IGSF22: variants seen among roughly 807,000 people sequenced by gnomAD.
IGSF22 encodes the protein immunoglobulin superfamily, member 22.
A neutral mutation model predicts 127.0 loss-of-function variants in IGSF22; 119 were observed. The ratio of observed to expected loss-of-function variants is 0.94; its 90% CI spans 0.81 to 1.09. The LOEUF is 1.09. IGSF22 is among the 50% of genes least tolerant of loss of function. IGSF22 has a pLI of 0.00. For missense variants in IGSF22, 1,518 were observed against 1,716.6 expected, an observed-to-expected ratio of 0.88 and a Z score of 2.04; for synonymous variants, 568 against 664.7, an observed-to-expected ratio of 0.85 and a Z score of 2.24.
intron 11 of IGSF22, 38 bp downstream of exon 11, chr11:18,715,394 G>C: frequency 3.8e-6 from 6 of 1,577,744 alleles, no homozygotes; most frequent in African/African-American, 1.3e-5. Context: ...CCAGGGTCAG[G>C]GGGATTGGTC....
In IGSF22 at chr11:18,714,432, G is replaced by T; in HGVS notation, c.1657-14C>A. On this transcript the variant is annotated splice_polypyrimidine_tract_variant and intron_variant, in intron 12 of 22. Transcript: ENST00000513874. Reference sequence around the variant, plus strand: ...CAAGTCCGTGATCTGGGGGTCAGGGGTGGGCCTGAGTGTGAGCATAGGCCA... The same window carrying T: ...CAAGTCCGTGATCTGGGGGTCAGGGTTGGGCCTGAGTGTGAGCATAGGCCA... 6.2e-7 allele frequency: 1 copy of T among 1,614,006 alleles called. No homozygotes were observed. The highest frequency in any genetic ancestry group is 8.5e-7 in the Non-Finnish European group (1 of 1,179,862).
chr11:18,716,029 C>T lies in IGSF22; in HGVS notation c.1247-313G>A, dbSNP rs947379086. On this transcript the variant is annotated intron_variant, in intron 10 of 22. Coordinates refer to ENST00000513874, the MANE Select transcript of IGSF22 (RefSeq NM_173588.4). The surrounding 1 kb of genome is among the most constrained non-coding windows in gnomAD (Gnocchi z 4.5). Reference sequence around the variant, plus strand: ...TGCCCCCTTGGAGCTCCAACCATACCTGCATTGTCTTTCTAATGTCTGGAC... The same window carrying T: ...TGCCCCCTTGGAGCTCCAACCATACTTGCATTGTCTTTCTAATGTCTGGAC... Among the ~76,000 whole-genome samples, 1 of 152,174 alleles carries T rather than the reference C, an allele frequency of 6.6e-6. No homozygotes were observed. The highest frequency in any genetic ancestry group is 2.4e-5 in the African/African-American group (1 of 41,438).
chr11:18,714,264 G>C lies in IGSF22; in HGVS notation c.1798+13C>G. ...GCATGGTTGAGCTTTGCCTACCTTG[G>C]ACAGATCCATACCTGCGATGAATAC... On this transcript the variant is annotated intron_variant, in intron 13 of 22. Coordinates refer to ENST00000513874, the MANE Select transcript of IGSF22 (RefSeq NM_173588.4). 1 of 1,610,418 alleles carries C rather than the reference G, an allele frequency of 6.2e-7. No individual in the cohort carries two copies. Among genetic ancestry groups the C allele is most frequent in the Non-Finnish European group, 8.5e-7 (1 of 1,178,278 alleles).
At chr11:18,710,615 T>G (rs772925760) in intron 16 of IGSF22, 40 bp downstream of exon 16, 1 of 1,592,330 alleles carries the variant, frequency 6.3e-7, no homozygotes, top group Non-Finnish European at 8.6e-7. Context: ...CAGCAAGACC[T>G]CCTTTGGTCA....
chr11:18,708,112 GCAGAGT>G (rs1201095267), intron 19 of IGSF22, 89 bp downstream of exon 19: 104 of 1,523,018 alleles, frequency 6.8e-5, no homozygotes, highest in Non-Finnish European at 7.7e-5. Context: ...CTGGTGAGGG[GCAGAGT>G]CAGAGTCAGA....
In IGSF22 at chr11:18,715,412, A is replaced by T. The variant is rs746151613; in HGVS notation, c.1531+20T>A. 6.3e-7 allele frequency: 1 copy of T among 1,596,808 alleles called. No individual in the cohort carries two copies. The highest frequency in any genetic ancestry group is 1.7e-5 in the Admixed American group (1 of 59,768). On this transcript the variant is annotated intron_variant, in intron 11 of 22. Transcript: ENST00000513874. ...GGGTCAGGGGGATTGGTCAGTGGGG[A>T]TTGATAGGGCGGGTGTTACCCTCCA...
intron 19 of IGSF22, 93 bp downstream of exon 19, chr11:18,708,114 A>G: frequency 1.4e-6 from 2 of 1,468,636 alleles, no homozygotes; most frequent in Middle Eastern, 1.9e-4. Context: ...GGTGAGGGGC[A>G]GAGTCAGAGT....
rs149100768 is a variant in IGSF22, at chr11:18,707,783, G to C, written c.3280+21C>G. The C allele has an allele frequency of 6.3e-4, 975 of 1,550,808 alleles. 9 individuals carry two copies. The African/African-American group carries it at 0.011, about 18-fold the overall frequency. ...GAGTGTACAGGGATGGGTCTTGGAG[G>C]CCTCTGCCTTCTCTCCATACCTGCC... On this transcript the variant is annotated intron_variant, in intron 20 of 22. Coordinates refer to ENST00000513874, the MANE Select transcript of IGSF22 (RefSeq NM_173588.4).
intron 22 of IGSF22, 166 bp downstream of exon 22, chr11:18,705,651 A>G: frequency 1.6e-6 from 1 of 630,112 alleles, no homozygotes; most frequent in Non-Finnish European, 2.7e-6. Flanking sequence ...AATGACATCG[A>G]AAGGATGGGA....
chr11:18,712,881 T>C (rs1450967352), intron 14 of IGSF22, among the ~76,000 whole-genome samples: 1 of 152,176 alleles, frequency 6.6e-6, no homozygotes, highest in African/African-American at 2.4e-5. Flanking sequence ...CAGAGCTCGA[T>C]GGAAATGCAG....
chr11:18,720,425 G>A (rs1848550314), intron 4 of IGSF22, 140 bp from the exon 5 acceptor site: 2 of 632,486 alleles, frequency 3.2e-6, no homozygotes, highest in Admixed American at 5.6e-5. Context: ...GGATTGAGCA[G>A]CCTGTATGAT....
At chr11:18,710,577 G>T in intron 16 of IGSF22, 78 bp downstream of exon 16, 1 of 1,579,378 alleles carries the variant, frequency 6.3e-7, no homozygotes, top group Non-Finnish European at 8.7e-7. Flanking sequence ...TTGGATGAGG[G>T]ACTGTGTCAG....
Position 18,707,895 on chromosome 11 carries a change from A to G in IGSF22, c.3189T>C (p.Asn1063=), listed in dbSNP as rs755210174. 6.2e-7 allele frequency: 1 copy of G among 1,614,182 alleles called. No homozygotes were observed. The highest frequency in any genetic ancestry group is 1.3e-5 in the African/African-American group (1 of 75,048). Residue 1063 remains asparagine (N), a synonymous_variant, in exon 20 of 23, where the codon AAT becomes AAC. Transcript: ENST00000513874. ...KSKNHSQFLI[N]STKRSDSGVY... is the part of the protein sequence containing the mutation. ...CCCCTGAGTCAGAGCGCTTGGTGCT[A>G]TTAATGAGGAACTGGGAGTGGTTTT...
chr11:18,712,359 C>A lies in IGSF22; in HGVS notation c.2121G>T (p.Arg707=), dbSNP rs1410592052. Residue 707 remains arginine, a synonymous_variant, in exon 15 of 23, where the codon CGG becomes CGT. Transcript: ENST00000513874. ...TACCTGAGAGCTCCAGGAACTCCAC[C>A]CGGCCCTGTGGAGGCTTTGGACGGT... The part of the protein sequence containing the change: ...VLDRPKPPQG[R]VEFLELSGSC... 4 of 1,551,454 alleles carry A rather than the reference C, an allele frequency of 2.6e-6. No homozygotes were observed. In the East Asian group the frequency reaches 9.8e-5, roughly 38 times the overall value.
At chr11:18,708,110 G>T in intron 19 of IGSF22, 97 bp downstream of exon 19, 1 of 1,528,046 alleles carries the variant, frequency 6.5e-7, no homozygotes, top group Non-Finnish European at 9.0e-7. Flanking sequence ...GTCTGGTGAG[G>T]GGCAGAGTCA....
chr11:18,712,803 CAG>C (rs1848382498), intron 14 of IGSF22, among the ~76,000 whole-genome samples: 2 of 152,204 alleles, frequency 1.3e-5, no homozygotes, highest in East Asian at 3.8e-4. Context: ...GTGTACACAG[CAG>C]TGAGAACACA....
At chr11:18,708,765 G>A (rs1281824185) in intron 18 of IGSF22, among the ~76,000 whole-genome samples, 1 of 152,208 alleles carries the variant, frequency 6.6e-6, no homozygotes, top group East Asian at 1.9e-4. Context: ...AGGCCACCAG[G>A]TTAGGAGGAT....
At chr11:18,721,453 T>A in intron 4 of IGSF22, 82 bp downstream of exon 4, 2 of 1,578,406 alleles carry the variant, frequency 1.3e-6, no homozygotes. Context: ...AAGGCTCTCA[T>A]CGGTGAGAAG....
intron 19 of IGSF22, 28 bp downstream of exon 19, chr11:18,708,179 A>G (rs1412807692): frequency 3.9e-6 from 6 of 1,540,750 alleles, no homozygotes; most frequent in Middle Eastern, 1.7e-4. Context: ...TGGACAGTGT[A>G]TGGAGGTCAG....
Sources: gnomAD v4.1 joint callset for allele counts (sites outside exome capture counted in the v4.1 genomes callset) on GRCh38, gnomAD v4.1.1 for gene constraint, Gnocchi (gnomAD v3.1) non-coding constraint, MANE v1.5 for transcripts, NCBI Gene and HGNC (gene_info 2026-07-23, HGNC 2026-07-21) for gene names.